ATAD2B: variants seen among roughly 807,000 people sequenced by gnomAD.
ATAD2B encodes ATPase family AAA domain-containing protein 2B.
Under a neutral mutation model 167.6 loss-of-function variants are expected in ATAD2B, and 40 were observed. The ratio of observed to expected loss-of-function variants is 0.24; its 90% CI spans 0.19 to 0.31. ATAD2B has a LOEUF of 0.31. Ranked by LOEUF, ATAD2B falls within the 10% of genes least tolerant of loss-of-function variation. The pLI is 1.00. For synonymous variants in ATAD2B, 579 were observed against 596.5 expected, an observed-to-expected ratio of 0.97 and a Z score of 0.43; for missense variants, 1,242 against 1,757.2, an observed-to-expected ratio of 0.71 and a Z score of 5.24.
At chr2:23,798,407 T>A in intron 18 of ATAD2B, 84 bp from the exon 19 acceptor site, 1 of 1,103,916 alleles carries the variant, frequency 9.1e-7, no homozygotes, top group Non-Finnish European at 1.3e-6. Context: ...ACATGAAATA[T>A]GTCAGGCCTA....
At chr2:23,684,112 T>C in the ATAD2B span, among the ~76,000 whole-genome samples, 4 of 152,182 alleles carry the variant, frequency 2.6e-5, no homozygotes, top group African/African-American at 9.7e-5. This position sits in a 1 kb window ranked among gnomAD's most constrained non-coding sequence, Gnocchi z 4.4. Context: ...TGGGAATCTC[T>C]CCCCCAACCT....
intron 22 of ATAD2B, among the ~76,000 whole-genome samples, chr2:23,770,698 C>G (rs1678196640): frequency 6.6e-6 from 1 of 152,170 alleles, no homozygotes; most frequent in Non-Finnish European, 1.5e-5. Flanking sequence ...TTCCATTGAC[C>G]TATTTGTCAA....
rs187311254 is a variant in ATAD2B, at chr2:23,878,430, G to A, written c.901+2209C>T. 5.7e-3 allele frequency among the ~76,000 whole-genome samples: 858 copies of A among 151,788 alleles called. 17 individuals are homozygous for A. The highest frequency in any genetic ancestry group is 0.036 in the East Asian group (188 of 5,158). On this transcript the variant is annotated intron_variant, in intron 7 of 27. Coordinates refer to ENST00000238789, the MANE Select transcript of ATAD2B (RefSeq NM_017552.4). ...TCCCAGGACTTTGGGAGGCTGAGGC[G>A]GGCGGATCATGAGGTCAGGAGATCG...
intron 18 of ATAD2B, among the ~76,000 whole-genome samples, chr2:23,804,220 C>T (rs1030056081): frequency 3.3e-5 from 5 of 151,914 alleles, no homozygotes; most frequent in African/African-American, 1.2e-4. Context: ...TTCTTCTTGC[C>T]GAATTTGTTA....
chr2:23,869,886 C>G (rs1695666483), intron 8 of ATAD2B, 125 bp from the exon 9 acceptor site: 4 of 661,394 alleles, frequency 6.0e-6, no homozygotes, highest in Non-Finnish European at 1.0e-5. Flanking sequence ...GATTTTTTAC[C>G]CTCATACAAT....
chr2:23,738,790 A>G, the ATAD2B span, among the ~76,000 whole-genome samples: 3 of 152,106 alleles, frequency 2.0e-5, no homozygotes, highest in Admixed American at 1.3e-4. Flanking sequence ...TCATTGTGCT[A>G]TATTCAGGAA....
chr2:23,763,450 T>A (rs1203600493), intron 23 of ATAD2B, among the ~76,000 whole-genome samples: 1 of 152,234 alleles, frequency 6.6e-6, no homozygotes, highest in Non-Finnish European at 1.5e-5. Context: ...ACCACAGCAA[T>A]CCAATTTTGG....
chr2:23,836,897 A>G (rs562638804), intron 13 of ATAD2B, among the ~76,000 whole-genome samples: 1 of 152,218 alleles, frequency 6.6e-6, no homozygotes, highest in Admixed American at 6.5e-5. Flanking sequence ...GGCCATGGGC[A>G]GGCCCAGAAA....
chr2:23,926,302 G>A (rs1378929852), intron 1 of ATAD2B, among the ~76,000 whole-genome samples: 2 of 152,226 alleles, frequency 1.3e-5, no homozygotes, highest in Admixed American at 1.3e-4. Context: ...GACGCCGAAA[G>A]GGACCCCCAA....
chr2:23,832,585 G>T (rs990241039), intron 14 of ATAD2B: 1 of 162,012 alleles, frequency 6.2e-6, no homozygotes, highest in Non-Finnish European at 1.3e-5. Context: ...CACGCTGCTC[G>T]AAGAACAATG....
the ATAD2B span, among the ~76,000 whole-genome samples, chr2:23,735,227 C>G: frequency 3.9e-5 from 6 of 152,288 alleles, no homozygotes; most frequent in East Asian, 7.7e-4. Flanking sequence ...ACTCAGTTTT[C>G]CAAACTGACT....
At chr2:23,724,504 C>A in the ATAD2B span, among the ~76,000 whole-genome samples, 1 of 152,070 alleles carries the variant, frequency 6.6e-6, no homozygotes, top group Non-Finnish European at 1.5e-5. Flanking sequence ...CAGAGACCTT[C>A]AAGACAATAC....
At chr2:23,884,558 T>C (rs1181571364) in intron 6 of ATAD2B, among the ~76,000 whole-genome samples, 1 of 152,200 alleles carries the variant, frequency 6.6e-6, no homozygotes, top group Non-Finnish European at 1.5e-5. Flanking sequence ...TTACATAATG[T>C]ATAATGTGCA....
chr2:23,685,348 G>A, the ATAD2B span: 1 of 152,364 alleles, frequency 6.6e-6, no homozygotes, highest in African/African-American at 2.4e-5. Context: ...GAGCAGCCAA[G>A]GGGCCAGCCC....
chr2:23,889,050 A>T (rs1002760195), intron 2 of ATAD2B, among the ~76,000 whole-genome samples: 1 of 152,256 alleles, frequency 6.6e-6, no homozygotes, highest in Non-Finnish European at 1.5e-5. Flanking sequence ...TTGCTGCATA[A>T]TAAAAGAGTT....
At position 23,758,076 on chromosome 2, in the gene ATAD2B, C is replaced by T. The variant is rs1476109438; in HGVS notation, c.3420G>A (p.Arg1140=). 7 of 1,583,134 alleles carry T rather than the reference C, an allele frequency of 4.4e-6. No individual in the cohort carries two copies. Among genetic ancestry groups the T allele is most frequent in the Admixed American group, 1.9e-5 (1 of 53,978 alleles). The change falls in exon 25 of 28, where the codon CGG becomes CGA. Residue 1140 remains arginine (R), a synonymous_variant. Transcript: ENST00000238789. ...CAFRVRRKSR[R]RSQWGKGIIK... ...TAATTCCTTTACCCCACTGTGATCT[C>T]CGCCTTGATTTTCTCCGAACCCGAA...
At chr2:23,853,929 G>C (rs1358467261) in intron 13 of ATAD2B, among the ~76,000 whole-genome samples, 1 of 152,110 alleles carries the variant, frequency 6.6e-6, no homozygotes, top group Non-Finnish European at 1.5e-5. Context: ...TCAATATATG[G>C]TTCTGGAACA....
the ATAD2B span, chr2:23,690,945 TC>T: frequency 6.5e-6 from 1 of 153,038 alleles, no homozygotes; most frequent in Non-Finnish European, 1.5e-5. Flanking sequence ...GACCCCGTGT[TC>T]CATGTGGCAG....
chr2:23,683,295 C>T, the ATAD2B span, among the ~76,000 whole-genome samples: 5 of 152,200 alleles, frequency 3.3e-5, no homozygotes, highest in African/African-American at 1.2e-4. Flanking sequence ...AATCGCCTGG[C>T]CTGAAGACAG....
Sources: allele counts gnomAD v4.1 joint callset (sites outside exome capture counted in the v4.1 genomes callset), GRCh38; gene constraint gnomAD v4.1.1; non-coding constraint Gnocchi (gnomAD v3.1); transcripts MANE v1.5; gene names NCBI Gene and HGNC (gene_info 2026-07-23, HGNC 2026-07-21).